The following PTGFRN variants were observed in gnomAD, a reference collection of about 807,000 sequenced individuals.
PTGFRN encodes prostaglandin F2 receptor negative regulator.
In PTGFRN, 35 loss-of-function variants were observed where a neutral mutation model predicts 83.2. The observed-to-expected ratio is 0.42, with a 90% CI of 0.32 to 0.56. The LOEUF (loss-of-function observed/expected upper bound fraction) is 0.56, where lower values mean the gene tolerates loss of function less well. Among genes scored for constraint, PTGFRN ranks in the 20% least tolerant of loss-of-function variants. The pLI is 0.11. For missense variants in PTGFRN, 1,051 were observed against 1,179.5 expected (o/e 0.89, Z 1.60); for synonymous variants, 519 against 498.6 (o/e 1.04, Z -0.55).
intron 1 of PTGFRN, among the ~76,000 whole-genome samples, chr1:116,926,378 C>T (rs369700555): frequency 9.2e-5 from 14 of 152,246 alleles, no homozygotes; most frequent in Non-Finnish European, 1.3e-4. Context: ...GGATGCTGAG[C>T]GGTGCTTGGG....
At chr1:116,936,384 C>CT (rs1368939063) in intron 1 of PTGFRN, among the ~76,000 whole-genome samples, 1 of 152,186 alleles carries the variant, frequency 6.6e-6, no homozygotes, top group Non-Finnish European at 1.5e-5. Flanking sequence ...AGGTTTATAT[C>CT]TTTTCGGATT....
intron 1 of PTGFRN, among the ~76,000 whole-genome samples, chr1:116,933,806 T>A (rs1649856229): frequency 6.6e-6 from 1 of 152,236 alleles, no homozygotes; most frequent in African/African-American, 2.4e-5. Context: ...CCATCAGTTG[T>A]ATTCCTGTTC....
In PTGFRN at chr1:116,944,736, T is replaced by C. The variant is rs1650145080; in HGVS notation, c.476T>C (p.Leu159Pro). 6.8e-7 allele frequency: 1 copy of C among 1,478,636 alleles called. No individual in the cohort carries two copies. The highest frequency in any genetic ancestry group is 8.9e-7 in the Non-Finnish European group (1 of 1,122,416). The allele number at this position is 1,478,636 out of a possible 1,614,324, so 91.6% of individuals were successfully genotyped here. Residue 159 changes from leucine to proline, a missense_variant, in exon 3 of 9, where the codon CTG becomes CCG. This residue lies in a region of PTGFRN where 205 missense variants were observed against 174.5 expected (regional missense o/e 1.17). Transcript: ENST00000393203. ...PSARPPPSLS[L>P]REGEPFELRC... ...GCGCGGCCCCCGCCGAGCCTGAGCC[T>C]GCGGGAGGGGGAGCCCTTCGAGCTG...
chr1:116,946,147 G>T (rs1650195990), intron 3 of PTGFRN, among the ~76,000 whole-genome samples: 1 of 152,202 alleles, frequency 6.6e-6, no homozygotes, highest in Non-Finnish European at 1.5e-5. Context: ...TCCTGAGCAT[G>T]AATGTGAATA....
intron 6 of PTGFRN, among the ~76,000 whole-genome samples, chr1:116,972,046 C>T (rs1169967788): frequency 6.6e-6 from 1 of 152,204 alleles, no homozygotes; most frequent in East Asian, 1.9e-4. Flanking sequence ...CCTGTACTCA[C>T]TGACAGGTGG....
At chr1:116,913,640 G>A (rs948376730) in intron 1 of PTGFRN, among the ~76,000 whole-genome samples, 4 of 152,122 alleles carry the variant, frequency 2.6e-5, no homozygotes, top group African/African-American at 9.7e-5. Context: ...TTCCCCTGGG[G>A]GCAGGGGCCA....
At chr1:116,945,744 C>CTT (rs5777292) in intron 3 of PTGFRN, among the ~76,000 whole-genome samples, 26 of 130,342 alleles carry the variant, frequency 2.0e-4, no homozygotes, top group African/African-American at 3.9e-4. Context: ...TGTGAATCAG[C>CTT]TTTTTTTTTT....
At chr1:116,928,856 C>T (rs895654657) in intron 1 of PTGFRN, among the ~76,000 whole-genome samples, 4 of 152,136 alleles carry the variant, frequency 2.6e-5, no homozygotes, top group African/African-American at 9.7e-5. Context: ...CTATCTTTGG[C>T]TCTTTTTCCT....
intron 7 of PTGFRN, 57 bp downstream of exon 7, chr1:116,974,380 A>G (rs1322913645): frequency 6.1e-6 from 8 of 1,317,946 alleles, no homozygotes; most frequent in African/African-American, 1.4e-5. Flanking sequence ...TGTTTCTCAT[A>G]TCATCCGCAC....
intron 1 of PTGFRN, among the ~76,000 whole-genome samples, chr1:116,911,351 G>A (rs1441167304): frequency 6.6e-6 from 1 of 152,168 alleles, no homozygotes. Flanking sequence ...TGCACACAGG[G>A]CAAATGATTA....
chr1:116,961,538 A>G lies in PTGFRN; in HGVS notation c.1509A>G (p.Gln503=), dbSNP rs1650664532. Residue 503 remains glutamine (Q), a synonymous_variant, in exon 5 of 9, where the codon CAA becomes CAG. Coordinates refer to ENST00000393203, the MANE Select transcript of PTGFRN (RefSeq NM_020440.4). This position sits in a 1 kb window ranked among gnomAD's most constrained non-coding sequence, Gnocchi z 5.4. Reference sequence around the variant, plus strand: ...CAGACACGTTCAATTTCCGGATCCAAAGGACTACAGAGGAAGACAGAGGCA... The same window carrying G: ...CAGACACGTTCAATTTCCGGATCCAGAGGACTACAGAGGAAGACAGAGGCA... ...EHTDTFNFRI[Q]RTTEEDRGNY... 7 of 1,614,052 alleles carry G rather than the reference A, an allele frequency of 4.3e-6. No individual in the cohort carries two copies. Among genetic ancestry groups the G allele is most frequent in the Non-Finnish European group, 4.2e-6 (5 of 1,180,030 alleles).
chr1:116,943,362 G>A (rs1346695097), intron 2 of PTGFRN, among the ~76,000 whole-genome samples: 1 of 152,224 alleles, frequency 6.6e-6, no homozygotes, highest in Non-Finnish European at 1.5e-5. Context: ...ATGCCCCCTT[G>A]TATCCCCTTG....
rs80123219 is a variant in PTGFRN at position 116,944,722 on chromosome 1, G to C, written c.462G>C (p.Pro154=). ...SLHVGPSARP[P]PSLSLREGEP... ...ACGTGGGCCCCAGCGCGCGGCCCCC[G>C]CCGAGCCTGAGCCTGCGGGAGGGGG... The change falls in exon 3 of 9, where the codon CCG becomes CCC. Residue 154 remains proline, a synonymous_variant. Coordinates refer to ENST00000393203, the MANE Select transcript of PTGFRN (RefSeq NM_020440.4). The C allele has an allele frequency of 6.2e-6, 9 of 1,458,834 alleles. No individual in the cohort carries two copies. The highest frequency in any genetic ancestry group is 7.2e-6 in the Non-Finnish European group (8 of 1,113,230). 90.4% of individuals were successfully genotyped at this position (1,458,834 alleles called of 1,614,324 possible). A position where few individuals can be genotyped will look rare whatever the true frequency, so the allele number is the denominator to read the frequency against.
At chr1:116,974,019 A>G (rs1269829638) in intron 6 of PTGFRN, among the ~76,000 whole-genome samples, 197 bp from the exon 7 acceptor site, 1 of 152,232 alleles carries the variant, frequency 6.6e-6, no homozygotes, top group Non-Finnish European at 1.5e-5. Flanking sequence ...TAATCTTAAG[A>G]TGAAGCTCAC....
chr1:116,942,558 G>A (rs1285304927), intron 2 of PTGFRN, among the ~76,000 whole-genome samples: 1 of 152,198 alleles, frequency 6.6e-6, no homozygotes, highest in African/African-American at 2.4e-5. Flanking sequence ...GCATTCAGTG[G>A]TTAGTGACAG....
chr1:116,944,714 C>A lies in PTGFRN; in HGVS notation c.454C>A (p.Arg152=). The change falls in exon 3 of 9, where the codon CGG becomes AGG. Residue 152 remains arginine, a synonymous_variant. Transcript: ENST00000393203. ...CTCCCTGCACGTGGGCCCCAGCGCG[C>A]GGCCCCCGCCGAGCCTGAGCCTGCG... ...ADSLHVGPSA[R]PPPSLSLREG... 1 of 1,408,802 alleles carries A rather than the reference C, an allele frequency of 7.1e-7. No individual in the cohort carries two copies. Among genetic ancestry groups the A allele is most frequent in the South Asian group, 1.6e-5 (1 of 62,528 alleles). 87.3% of individuals were successfully genotyped at this position (1,408,802 alleles called of 1,614,324 possible). A position where few individuals can be genotyped will look rare whatever the true frequency, so the allele number is the denominator to read the frequency against.
At chr1:116,914,164 G>A (rs1419789316) in intron 1 of PTGFRN, among the ~76,000 whole-genome samples, 1 of 152,220 alleles carries the variant, frequency 6.6e-6, no homozygotes, top group African/African-American at 2.4e-5. Context: ...TGGCAGTTCT[G>A]CTGTCTTCAA....
At chr1:116,912,189 C>T (rs920059195) in intron 1 of PTGFRN, among the ~76,000 whole-genome samples, 1 of 152,174 alleles carries the variant, frequency 6.6e-6, no homozygotes, top group Non-Finnish European at 1.5e-5. Context: ...TGATTGTACT[C>T]CAGCATATCC....
rs747918909 is a variant in PTGFRN at position 116,984,869 on chromosome 1, A to T, written c.2357A>T (p.Gln786Leu). The T allele has an allele frequency of 1.9e-6, 3 of 1,614,202 alleles. No individual in the cohort carries two copies. The highest frequency in any genetic ancestry group is 2.5e-6 in the Non-Finnish European group (3 of 1,180,034). ...FLLQVHGSED[Q>L]DFGNYYCSVT... The stretch of plus-strand genomic sequence containing the variant: ...CTGCAAGTGCATGGCTCCGAGGACC[A>T]GGACTTTGGCAACTACTACTGTTCC... Residue 786 changes from glutamine to leucine, a missense_variant, in exon 8 of 9, where the codon CAG becomes CTG. Physicochemically the swap from Gln to Leu is moderately radical, Grantham distance 113. Transcript: ENST00000393203.
Sources: allele counts gnomAD v4.1 joint callset (sites outside exome capture counted in the v4.1 genomes callset), GRCh38; gene constraint gnomAD v4.1.1; regional missense constraint gnomAD v4.1.1; non-coding constraint Gnocchi (gnomAD v3.1); transcripts MANE v1.5; gene names NCBI Gene and HGNC (gene_info 2026-07-23, HGNC 2026-07-21).